Variants in KHSRP observed in about 807,000 individuals in gnomAD.
KHSRP encodes far upstream element-binding protein 2.
Under a neutral mutation model 94.9 loss-of-function variants are expected in KHSRP, and 13 were observed. The observed-to-expected ratio is 0.14, with a 90% CI of 0.09 to 0.22. The LOEUF (loss-of-function observed/expected upper bound fraction) is 0.22, where lower values mean the gene tolerates loss of function less well. Among genes scored for constraint, KHSRP ranks in the 10% least tolerant of loss-of-function variants. KHSRP has a pLI of 1.00. For missense variants in KHSRP, 710 were observed against 1,010.0 expected, an observed-to-expected ratio of 0.70 and a Z score of 4.03; for synonymous variants, 495 against 401.4, an observed-to-expected ratio of 1.23 and a Z score of -2.79.
chr19:6,417,234 T>C, intron 11 of KHSRP, 147 bp from the exon 12 acceptor site: 1 of 672,174 alleles, frequency 1.5e-6, no homozygotes, highest in Non-Finnish European at 2.5e-6. Flanking sequence ...CGCTCAGGGA[T>C]TGAGGGGGAG....
At chr19:6,420,298 AG>A in intron 5 of KHSRP, 123 bp downstream of exon 5, 1 of 1,152,068 alleles carries the variant, frequency 8.7e-7, no homozygotes, top group Non-Finnish European at 1.3e-6. Flanking sequence ...GGGACGAAGG[AG>A]GGACAAATGA....
chr19:6,420,022 A>C, intron 6 of KHSRP, 51 bp downstream of exon 6: 1 of 1,395,638 alleles, frequency 7.2e-7, no homozygotes. Context: ...AGGAAAGTGC[A>C]AAGGGCCCAA....
intron 3 of KHSRP, 93 bp from the exon 4 acceptor site, chr19:6,421,410 A>G (rs1599244382): frequency 1.5e-6 from 2 of 1,334,108 alleles, no homozygotes; most frequent in Non-Finnish European, 2.1e-6. Flanking sequence ...TGAGCCCGGC[A>G]CCACGGTCCC....
chr19:6,422,665 T>C (rs1383350200), intron 1 of KHSRP, among the ~76,000 whole-genome samples: 2 of 152,188 alleles, frequency 1.3e-5, no homozygotes, highest in Non-Finnish European at 2.9e-5. Flanking sequence ...TCTTCCCTTC[T>C]CCTGGGATTT....
At position 6,415,159 on chromosome 19, in the gene KHSRP, C is replaced by T. The variant is rs370132376; in HGVS notation, c.2109G>A (p.Thr703=). 1.7e-5 allele frequency: 27 copies of T among 1,606,200 alleles called. No homozygotes were observed. Among genetic ancestry groups the T allele is most frequent in the Admixed American group, 1.0e-4 (6 of 59,166 alleles). The change falls in exon 19 of 19, where the codon ACG becomes ACA. Residue 703 remains threonine, a synonymous_variant. Coordinates refer to ENST00000600480, the MANE Select transcript of KHSRP (RefSeq NM_001366299.1). ...CACTTGCCTGCTGCTGTCCCTGCTG[C>T]GTGGGCGGCGGCTGGGGGCCGCCAG... ...PGPGGPQPPP[T]QQGQQQASGN...
In KHSRP at chr19:6,414,829, C is replaced by A; in HGVS notation, c.*195G>T. On this transcript the variant is annotated 3_prime_UTR_variant, in exon 19 of 19. Transcript: ENST00000600480. The stretch of plus-strand genomic sequence containing the variant: ...GCCCACCGTCCGCGCTGTCTGCCTG[C>A]CCCCCGACTCCCCAGCAGTTCAGAA... 1 of 1,225,902 alleles carries A rather than the reference C, an allele frequency of 8.2e-7. No individual in the cohort carries two copies. The highest frequency in any genetic ancestry group is 1.0e-6 in the Non-Finnish European group (1 of 980,508). The allele number at this position is 1,225,902 out of a possible 1,614,324, so 75.9% of individuals were successfully genotyped here.
In KHSRP at chr19:6,421,428, C is replaced by T. The variant is rs116809163; in HGVS notation, c.386-111G>A. Reference sequence around the variant, plus strand: ...GCCCGGCACCACGGTCCCCAGCCTGCTCCAGTGCCTCATGGATGCTGTGGA... The same window carrying T: ...GCCCGGCACCACGGTCCCCAGCCTGTTCCAGTGCCTCATGGATGCTGTGGA... On this transcript the variant is annotated intron_variant, in intron 3 of 18. Transcript: ENST00000600480. The T allele has an allele frequency of 4.0e-3, 4,635 of 1,146,272 alleles. 139 individuals carry two copies. The African/African-American group carries it at 0.065, about 16-fold the overall frequency. The allele number at this position is 1,146,272 out of a possible 1,614,324, so 71.0% of individuals were successfully genotyped here.
rs1211613986 is a variant in KHSRP, at chr19:6,416,396, G to A, written c.1500C>T (p.Cys500=). 9 of 1,613,460 alleles carry A rather than the reference G, an allele frequency of 5.6e-6. No homozygotes were observed. In the South Asian group the frequency reaches 9.9e-5, roughly 18 times the overall value. ...GGCCACCTGGGCCTGGTCCAACTGG[G>A]CAGAGAGGACCCTAGAAGGAAGGAG... ...LIEEKIEGPL[C]PVGPGPGGPG... The change falls in exon 15 of 19, where the codon TGC becomes TGT. Residue 500 remains cysteine, a synonymous_variant. Transcript: ENST00000600480.
intron 6 of KHSRP, among the ~76,000 whole-genome samples, chr19:6,419,789 G>A (rs2092184154): frequency 6.6e-6 from 1 of 152,250 alleles, no homozygotes; most frequent in Non-Finnish European, 1.5e-5. Context: ...CGGCAGGTCA[G>A]TGCAGTGCGT....
chr19:6,421,747 T>C, intron 2 of KHSRP, 59 bp from the exon 3 acceptor site: 1 of 1,585,416 alleles, frequency 6.3e-7, no homozygotes, highest in Non-Finnish European at 8.7e-7. Flanking sequence ...GCCTCGAACC[T>C]GATGCTGGTG....
In KHSRP at chr19:6,418,726, G is replaced by A. The variant is rs61750319; in HGVS notation, c.756C>T (p.Gly252=). The A allele has an allele frequency of 9.5e-5, 153 of 1,613,682 alleles. 1 individual carries two copies. The East Asian group carries it at 1.3e-3, about 13-fold the overall frequency. ...AGKAGLVIGK[G]GETIKQLQER... ...CCTGCAGCTGCTTAATGGTCTCCCC[G>A]CCCTTGCCAATGACCAGGCCGGCCT... Residue 252 remains glycine (G), a synonymous_variant, in exon 8 of 19, where the codon GGC becomes GGT. Transcript: ENST00000600480. The surrounding 1 kb of genome is among the most constrained non-coding windows in gnomAD (Gnocchi z 4.3).
rs748317528 is a variant in KHSRP at position 6,418,920 on chromosome 19, A to C, written c.606-44T>G. ...GGGGATGAGCGGGTGCCACCGCTGG[A>C]GAAAGGTACTGGTCTGGTGGCCCAC... On this transcript the variant is annotated intron_variant, in intron 7 of 18. Coordinates refer to ENST00000600480, the MANE Select transcript of KHSRP (RefSeq NM_001366299.1). The surrounding 1 kb of genome is among the most constrained non-coding windows in gnomAD (Gnocchi z 4.3). 2.0e-6 allele frequency: 3 copies of C among 1,500,974 alleles called. No individual in the cohort carries two copies. The South Asian group carries it at 4.1e-5, about 20-fold the overall frequency. The allele number at this position is 1,500,974 out of a possible 1,614,324, so 93.0% of individuals were successfully genotyped here. A position where few individuals can be genotyped will look rare whatever the true frequency, so the allele number is the denominator to read the frequency against.
Position 6,418,655 on chromosome 19 carries a change from G to T in KHSRP, c.780+47C>A, listed in dbSNP as rs200219395. 6.5e-5 allele frequency: 105 copies of T among 1,613,322 alleles called. 1 individual carries two copies. Among genetic ancestry groups the T allele is most frequent in the Non-Finnish European group, 7.2e-5 (85 of 1,179,334 alleles). On this transcript the variant is annotated intron_variant, in intron 8 of 18. Coordinates refer to ENST00000600480, the MANE Select transcript of KHSRP (RefSeq NM_001366299.1). This position sits in a 1 kb window ranked among gnomAD's most constrained non-coding sequence, Gnocchi z 4.3. ...TGGGCTGCTGTGGTGGTGGCGGTGGGGTGTGGCACACGGATGCAGAGGAAG... is the reference window on the plus strand; with the variant it reads ...TGGGCTGCTGTGGTGGTGGCGGTGGTGTGTGGCACACGGATGCAGAGGAAG...
chr19:6,413,941 T>C lies in KHSRP; in HGVS notation c.*1083A>G. The C allele has an allele frequency of 1.3e-6, 1 of 784,552 alleles. No homozygotes were observed. Among genetic ancestry groups the C allele is most frequent in the Non-Finnish European group, 1.9e-6 (1 of 525,820 alleles). 48.6% of individuals were successfully genotyped at this position (784,552 alleles called of 1,614,324 possible). On this transcript the variant is annotated 3_prime_UTR_variant, in exon 19 of 19. Transcript: ENST00000600480. ...GTGAGACACAGAACAGGCGAGAGAG[T>C]GAGGGCCCGGCATGCCCCCAAGTCC...
In KHSRP at chr19:6,418,132, C is replaced by T. The variant is rs1599240334; in HGVS notation, c.880-53G>A. The T allele has an allele frequency of 2.6e-6, 4 of 1,513,490 alleles. No individual in the cohort carries two copies. Among genetic ancestry groups the T allele is most frequent in the East Asian group, 4.5e-5 (2 of 44,120 alleles). 93.8% of individuals were successfully genotyped at this position (1,513,490 alleles called of 1,614,324 possible). ...TGGGTGAGCCCTGCTGCCCCACACC[C>T]CCCCACCTCCTCGGGGGTGCGGGCC... On this transcript the variant is annotated intron_variant, in intron 9 of 18. Transcript: ENST00000600480. This position sits in a 1 kb window ranked among gnomAD's most constrained non-coding sequence, Gnocchi z 4.3.
Position 6,414,084 on chromosome 19 carries a change from C to T in KHSRP, c.*940G>A, listed in dbSNP as rs2092121870. 1 of 1,573,018 alleles carries T rather than the reference C, an allele frequency of 6.4e-7. No individual in the cohort carries two copies. Among genetic ancestry groups the T allele is most frequent in the Non-Finnish European group, 8.6e-7 (1 of 1,157,462 alleles). Reference sequence around the variant, plus strand: ...AAATGGAAAAAAAAAAGATTTTTCACAGATGAAGAAGTTCACATTCATTCG... The same window carrying T: ...AAATGGAAAAAAAAAAGATTTTTCATAGATGAAGAAGTTCACATTCATTCG... On this transcript the variant is annotated 3_prime_UTR_variant, in exon 19 of 19. Transcript: ENST00000600480.
At position 6,413,142 on chromosome 19, in the gene KHSRP, A is replaced by G. The variant is rs1219848285; in HGVS notation, c.*1882T>C. On this transcript the variant is annotated 3_prime_UTR_variant, in exon 19 of 19. Coordinates refer to ENST00000600480, the MANE Select transcript of KHSRP (RefSeq NM_001366299.1). ...AAGCACTTTATTTAACAAAAAAAAA[A>G]AAGGGGGGGGGGCACGGTTAGGAAA... Among the ~76,000 whole-genome samples the G allele has an allele frequency of 2.6e-4, 34 of 128,788 alleles. No homozygotes were observed. Among genetic ancestry groups the G allele is most frequent in the Non-Finnish European group, 5.3e-4 (31 of 58,790 alleles). The allele number at this position is 128,788 out of a possible 152,430, so 84.5% of individuals were successfully genotyped here. A position where few individuals can be genotyped will look rare whatever the true frequency, so the allele number is the denominator to read the frequency against.
intron 2 of KHSRP, 148 bp downstream of exon 2, chr19:6,422,192 C>T: frequency 1.7e-6 from 1 of 602,290 alleles, no homozygotes; most frequent in South Asian, 2.0e-5. Context: ...GCAGACGGAA[C>T]AAGAAGAATT....
In KHSRP at chr19:6,418,964, G is replaced by C; in HGVS notation, c.606-88C>G. On this transcript the variant is annotated intron_variant, in intron 7 of 18. Transcript: ENST00000600480. The surrounding 1 kb of genome is among the most constrained non-coding windows in gnomAD (Gnocchi z 4.3). ...GGCCCACCCAGCTCAAAGGGAAGGC[G>C]ACCCCAGAGTGTGCAAGGATGACAG... The C allele has an allele frequency of 2.2e-6, 3 of 1,351,174 alleles. No homozygotes were observed. Among genetic ancestry groups the C allele is most frequent in the Non-Finnish European group, 3.0e-6 (3 of 1,016,614 alleles). The allele number at this position is 1,351,174 out of a possible 1,614,324, so 83.7% of individuals were successfully genotyped here. A position where few individuals can be genotyped will look rare whatever the true frequency, so the allele number is the denominator to read the frequency against.
Sources: gnomAD v4.1 joint callset for allele counts (sites outside exome capture counted in the v4.1 genomes callset) on GRCh38, gnomAD v4.1.1 for gene constraint, Gnocchi (gnomAD v3.1) non-coding constraint, MANE v1.5 for transcripts, NCBI Gene and HGNC (gene_info 2026-07-23, HGNC 2026-07-21) for gene names.